The following LRMDA variants were observed in gnomAD, a reference collection of about 807,000 sequenced individuals.
LRMDA encodes the protein leucine-rich melanocyte differentiation-associated protein.
A neutral mutation model predicts 29.8 loss-of-function variants in LRMDA; 18 were observed. The ratio of observed to expected loss-of-function variants is 0.60; its 90% CI spans 0.42 to 0.90. The LOEUF (loss-of-function observed/expected upper bound fraction) is 0.90. LRMDA is among the 40% of genes least tolerant of loss of function. The pLI is 0.00. For missense variants in LRMDA, 273 were observed against 273.9 expected (o/e 1.00, Z 0.02); for synonymous variants, 125 against 109.4 (o/e 1.14, Z -0.89).
chr10:75,457,008 G>A (rs1032050910), intron 2 of LRMDA, among the ~76,000 whole-genome samples: 3 of 152,166 alleles, frequency 2.0e-5, no homozygotes, highest in African/African-American at 7.2e-5. Context: ...CATGGTAATT[G>A]CTTATTCTAG....
At chr10:75,713,220 A>G (rs1457798357) in intron 2 of LRMDA, among the ~76,000 whole-genome samples, 1 of 152,218 alleles carries the variant, frequency 6.6e-6, no homozygotes, top group Non-Finnish European at 1.5e-5. Flanking sequence ...TTAGGCAAAG[A>G]AAGAATTAAT....
intron 2 of LRMDA, among the ~76,000 whole-genome samples, chr10:75,514,179 T>TA (rs1203234480): frequency 2.0e-5 from 3 of 150,838 alleles, no homozygotes; most frequent in Non-Finnish European, 4.4e-5. Context: ...TTTTTTTTTT[T>TA]TCCTTTCTTC....
At chr10:76,124,692 T>G (rs116080174) in intron 5 of LRMDA, among the ~76,000 whole-genome samples, 313 of 152,372 alleles carry the variant, frequency 2.1e-3, no homozygotes, top group African/African-American at 7.3e-3. Context: ...GTCAATGCCC[T>G]TAGCATTAAC....
At chr10:76,284,181 T>C (rs1316216704) in intron 5 of LRMDA, among the ~76,000 whole-genome samples, 1 of 152,196 alleles carries the variant, frequency 6.6e-6, no homozygotes, top group African/African-American at 2.4e-5. Context: ...GATTACCTTA[T>C]ATGGCAAAAG....
intron 6 of LRMDA, among the ~76,000 whole-genome samples, chr10:76,457,511 G>GTT (rs36082939): frequency 2.6e-4 from 39 of 151,302 alleles, no homozygotes; most frequent in South Asian, 1.0e-3. Flanking sequence ...ATGTGTTTGT[G>GTT]TTTTTTTTGG....
Position 76,557,450 on chromosome 10 carries a change from G to A in LRMDA, c.*162G>A. 1.6e-6 allele frequency: 1 copy of A among 635,018 alleles called. No homozygotes were observed. The allele number at this position is 635,018 out of a possible 1,614,324, so 39.3% of individuals were successfully genotyped here. ...ACCTTCCGCTGACTTTGCCAGGCCT[G>A]TCAAGATGATCCTTCTGCCTTAGAC... is the stretch of plus-strand genomic sequence containing the variant. On this transcript the variant is annotated 3_prime_UTR_variant, in exon 7 of 7. Transcript: ENST00000611255.
chr10:76,018,951 G>C (rs1445836675), intron 2 of LRMDA, among the ~76,000 whole-genome samples: 2 of 152,168 alleles, frequency 1.3e-5, no homozygotes, highest in African/African-American at 4.8e-5. Flanking sequence ...AGATTGTTCA[G>C]CTATTGTGAT....
intron 2 of LRMDA, among the ~76,000 whole-genome samples, chr10:75,472,018 T>G (rs1394572058): frequency 1.3e-5 from 2 of 152,072 alleles, no homozygotes; most frequent in Non-Finnish European, 2.9e-5. Flanking sequence ...AGAGCCAAAA[T>G]CATCTGCCAG....
chr10:76,503,417 G>A (rs116340196), intron 6 of LRMDA, among the ~76,000 whole-genome samples: 1,857 of 150,888 alleles, frequency 0.012, 34 homozygotes, highest in African/African-American at 0.043. Context: ...TTCTTTGCAT[G>A]TCTGGTAAAA....
chr10:75,561,269 G>A (rs953810659), intron 2 of LRMDA, among the ~76,000 whole-genome samples: 4 of 151,206 alleles, frequency 2.6e-5, no homozygotes, highest in African/African-American at 7.3e-5. Flanking sequence ...GTGGGAGGGT[G>A]TATGTGTCAA....
At chr10:76,124,630 G>A (rs927360795) in intron 5 of LRMDA, among the ~76,000 whole-genome samples, 3 of 152,244 alleles carry the variant, frequency 2.0e-5, no homozygotes, top group Non-Finnish European at 4.4e-5. Flanking sequence ...TTAGGACTTA[G>A]GCCCCTGTGG....
At chr10:75,547,163 T>G (rs1170767314) in intron 2 of LRMDA, among the ~76,000 whole-genome samples, 1 of 152,102 alleles carries the variant, frequency 6.6e-6, no homozygotes, top group African/African-American at 2.4e-5. Flanking sequence ...AAGATTCTAT[T>G]TATTCATCAG....
intron 5 of LRMDA, among the ~76,000 whole-genome samples, chr10:76,186,305 C>T (rs951279697): frequency 6.6e-6 from 1 of 152,190 alleles, no homozygotes; most frequent in African/African-American, 2.4e-5. Context: ...CCAGGGCAGC[C>T]CCAGCTTGGT....
chr10:76,278,161 A>C (rs1204236932), intron 5 of LRMDA, among the ~76,000 whole-genome samples: 3 of 152,172 alleles, frequency 2.0e-5, no homozygotes, highest in Non-Finnish European at 4.4e-5. Flanking sequence ...GTCTGGGATG[A>C]GCTGTACTAT....
At chr10:76,412,765 C>T (rs988613747) in intron 6 of LRMDA, among the ~76,000 whole-genome samples, 4 of 152,214 alleles carry the variant, frequency 2.6e-5, no homozygotes, top group Admixed American at 2.6e-4. Flanking sequence ...CTCCCATCAT[C>T]TCAGCCTGAA....
At chr10:76,172,598 C>G (rs546840325) in intron 5 of LRMDA, among the ~76,000 whole-genome samples, 1 of 152,276 alleles carries the variant, frequency 6.6e-6, no homozygotes, top group East Asian at 1.9e-4. Flanking sequence ...AGGAAACTCC[C>G]TGAAGCTTGG....
At chr10:76,151,613 G>A (rs1016936515) in intron 5 of LRMDA, among the ~76,000 whole-genome samples, 4 of 152,172 alleles carry the variant, frequency 2.6e-5, no homozygotes, top group Admixed American at 2.0e-4. Context: ...AGGCTCATTG[G>A]CCAGGGCCCT....
At chr10:75,623,420 A>G (rs982619846) in intron 2 of LRMDA, among the ~76,000 whole-genome samples, 1 of 152,074 alleles carries the variant, frequency 6.6e-6, no homozygotes, top group African/African-American at 2.4e-5. Flanking sequence ...AAAGCCAAGA[A>G]TTTTTCCTAC....
At chr10:76,264,330 C>G (rs1190725732) in intron 5 of LRMDA, among the ~76,000 whole-genome samples, 1 of 139,322 alleles carries the variant, frequency 7.2e-6, no homozygotes, top group African/African-American at 2.6e-5. Flanking sequence ...TTTCTTGAAC[C>G]CAGGAGGCAG....
Sources: allele counts gnomAD v4.1 joint callset (sites outside exome capture counted in the v4.1 genomes callset), GRCh38; gene constraint gnomAD v4.1.1; transcripts MANE v1.5; gene names NCBI Gene and HGNC (gene_info 2026-07-23, HGNC 2026-07-21).